Variants in RIMS1 observed in about 807,000 individuals in gnomAD.
RIMS1 encodes the protein regulating synaptic membrane exocytosis protein 1.
RIMS1 carries 83 observed loss-of-function variants against 214.1 expected under a neutral mutation model. That is an observed-to-expected ratio of 0.39 (90% CI 0.32 to 0.47). RIMS1 has a LOEUF of 0.47. Ranked by LOEUF, RIMS1 falls within the 20% of genes least tolerant of loss-of-function variation. RIMS1 has a pLI of 0.99. For synonymous variants in RIMS1, 793 were observed against 786.8 expected, an observed-to-expected ratio of 1.01 and a Z score of -0.13; for missense variants, 2,050 against 2,161.8, an observed-to-expected ratio of 0.95 and a Z score of 1.03.
intron 4 of RIMS1, among the ~76,000 whole-genome samples, chr6:72,107,630 A>G (rs570105863): frequency 6.6e-6 from 1 of 152,296 alleles, no homozygotes; most frequent in African/African-American, 2.4e-5. Context: ...GCTTCTTAAA[A>G]TAGTTCAGTG....
intron 4 of RIMS1, among the ~76,000 whole-genome samples, chr6:72,174,777 T>C (rs1030504198): frequency 6.6e-6 from 1 of 152,214 alleles, no homozygotes. Flanking sequence ...CATAGAAAAT[T>C]GTATTAAAAT....
chr6:71,890,570 T>TAAAAAAAA lies in RIMS1; in HGVS notation c.164+3403_164+3410dup, dbSNP rs3076604. Among the ~76,000 whole-genome samples the TAAAAAAAA allele has an allele frequency of 9.7e-4, 79 of 81,496 alleles. 5 individuals are homozygous for TAAAAAAAA. The highest frequency in any genetic ancestry group is 1.4e-3 in the Non-Finnish European group (58 of 42,378). The allele number at this position is 81,496 out of a possible 152,430, so 53.5% of individuals were successfully genotyped here. On this transcript the variant is annotated intron_variant, in intron 1 of 33. Coordinates refer to ENST00000521978, the MANE Select transcript of RIMS1 (RefSeq NM_014989.7). ...AGATCTAGGATCTTACTCCTTTTTG[T>TAAAAAAAA]AAAAAAAAAAAAAAAAAAAAAAAAA... is the stretch of plus-strand genomic sequence containing the variant.
intron 2 of RIMS1, among the ~76,000 whole-genome samples, chr6:72,077,329 T>A (rs1832171758): frequency 6.6e-6 from 1 of 152,262 alleles, no homozygotes; most frequent in South Asian, 2.1e-4. Flanking sequence ...CCTGCCTCTC[T>A]TAGTTACCTA....
At chr6:71,913,093 A>T (rs1238512890) in intron 1 of RIMS1, among the ~76,000 whole-genome samples, 2 of 152,112 alleles carry the variant, frequency 1.3e-5, no homozygotes, top group Admixed American at 1.3e-4. Context: ...TGAATTACTA[A>T]ATCTATGTAT....
intron 1 of RIMS1, among the ~76,000 whole-genome samples, chr6:71,933,257 T>TA (rs1783568938): frequency 6.6e-6 from 1 of 152,120 alleles, no homozygotes; most frequent in Non-Finnish European, 1.5e-5. Context: ...ACCTGAGGTA[T>TA]CCTCTCATGT....
At chr6:72,313,172 C>CA (rs776676021) in intron 27 of RIMS1, among the ~76,000 whole-genome samples, 5 of 151,452 alleles carry the variant, frequency 3.3e-5, no homozygotes, top group Non-Finnish European at 7.4e-5. Flanking sequence ...AAAATGAAAA[C>CA]AAAAAAGAGA....
intron 4 of RIMS1, among the ~76,000 whole-genome samples, chr6:72,110,903 T>A (rs2035944930): frequency 6.6e-6 from 1 of 152,046 alleles, no homozygotes. Context: ...CAGTTTTTAG[T>A]GAAGAGTAAA....
chr6:72,074,248 C>T (rs1032905419), intron 2 of RIMS1, among the ~76,000 whole-genome samples: 8 of 152,152 alleles, frequency 5.3e-5, no homozygotes, highest in Non-Finnish European at 1.2e-4. Flanking sequence ...AAGCAACATT[C>T]ATAATGGATT....
At chr6:71,973,452 A>G (rs76219656) in intron 2 of RIMS1, among the ~76,000 whole-genome samples, 1,738 of 152,198 alleles carry the variant, frequency 0.011, 9 homozygotes, top group Non-Finnish European at 0.017. Context: ...GTGGTCATGG[A>G]TGTTTACAGT....
chr6:72,386,137 G>GT (rs1209167180), intron 29 of RIMS1, among the ~76,000 whole-genome samples: 2 of 152,170 alleles, frequency 1.3e-5, no homozygotes, highest in Non-Finnish European at 2.9e-5. Context: ...TAAAACTGCT[G>GT]TAAGAATTTT....
intron 1 of RIMS1, among the ~76,000 whole-genome samples, chr6:71,964,437 C>T (rs753982702): frequency 6.6e-6 from 1 of 152,052 alleles, no homozygotes; most frequent in Non-Finnish European, 1.5e-5. Flanking sequence ...GCTGGGTGAC[C>T]AGTTAAAAAT....
intron 2 of RIMS1, among the ~76,000 whole-genome samples, chr6:72,042,373 T>C (rs1391683365): frequency 1.3e-5 from 2 of 151,922 alleles, no homozygotes; most frequent in Non-Finnish European, 2.9e-5. Flanking sequence ...TTTCTACTGT[T>C]ACTTACAAAG....
intron 16 of RIMS1, among the ~76,000 whole-genome samples, chr6:72,254,072 G>A (rs1276673280): frequency 6.6e-6 from 1 of 152,054 alleles, no homozygotes; most frequent in East Asian, 1.9e-4. Context: ...CACCGTGTTG[G>A]CCAGGATGGT....
chr6:71,933,682 T>TCACA (rs10642216), intron 1 of RIMS1, among the ~76,000 whole-genome samples: 31,544 of 139,024 alleles, frequency 0.23, 3,663 homozygotes, highest in East Asian at 0.43. Context: ...TCTTCCTCAA[T>TCACA]CACACACACA....
At chr6:72,114,686 T>C (rs781158316) in intron 4 of RIMS1, among the ~76,000 whole-genome samples, 1 of 151,938 alleles carries the variant, frequency 6.6e-6, no homozygotes, top group Non-Finnish European at 1.5e-5. Context: ...AATGAATGAA[T>C]GGTACTTCTC....
At chr6:71,903,303 G>A (rs1257691041) in intron 1 of RIMS1, among the ~76,000 whole-genome samples, 1 of 152,092 alleles carries the variant, frequency 6.6e-6, no homozygotes, top group Non-Finnish European at 1.5e-5. Flanking sequence ...TTTATCATAT[G>A]TTGATTGGCC....
intron 4 of RIMS1, among the ~76,000 whole-genome samples, chr6:72,147,527 C>T (rs1487929471): frequency 6.6e-6 from 1 of 152,166 alleles, no homozygotes; most frequent in African/African-American, 2.4e-5. Flanking sequence ...GTCAGTGGCA[C>T]CTCCTCTGTT....
At chr6:72,191,483 A>G (rs549462534) in intron 6 of RIMS1, among the ~76,000 whole-genome samples, 3 of 152,366 alleles carry the variant, frequency 2.0e-5, no homozygotes, top group South Asian at 4.1e-4. Context: ...AATCAGCATA[A>G]TGTCATCAAT....
At chr6:71,939,026 T>A (rs1785272874) in intron 1 of RIMS1, among the ~76,000 whole-genome samples, 1 of 152,222 alleles carries the variant, frequency 6.6e-6, no homozygotes. Flanking sequence ...GCAGCCTGAA[T>A]GCTGAATGTT....
Sources: gnomAD v4.1 joint callset for allele counts (sites outside exome capture counted in the v4.1 genomes callset) on GRCh38, gnomAD v4.1.1 for gene constraint, MANE v1.5 for transcripts, NCBI Gene and HGNC (gene_info 2026-07-23, HGNC 2026-07-21) for gene names.